PLCL1: variants seen among roughly 807,000 people sequenced by gnomAD.
PLCL1 encodes phospholipase C like 1 (inactive).
In PLCL1, 41 loss-of-function variants were observed where a neutral mutation model predicts 84.4. The observed-to-expected ratio is 0.49, with a 90% confidence interval of 0.38 to 0.63. The LOEUF is 0.63. Among genes scored for constraint, PLCL1 ranks in the 30% least tolerant of loss-of-function variants. The pLI is 0.00. For missense variants in PLCL1, 1,206 were observed against 1,367.8 expected, an observed-to-expected ratio of 0.88 and a Z score of 1.87; for synonymous variants, 490 against 488.3, an observed-to-expected ratio of 1.00 and a Z score of -0.05.
intron 1 of PLCL1, among the ~76,000 whole-genome samples, chr2:197,926,018 G>A (rs1574952334): frequency 6.6e-6 from 1 of 152,144 alleles, no homozygotes; most frequent in Admixed American, 6.6e-5. Context: ...ATGGCTTTTG[G>A]TTTGTCTTTG....
chr2:198,015,410 G>A (rs57105961), intron 1 of PLCL1, among the ~76,000 whole-genome samples: 6,303 of 152,120 alleles, frequency 0.041, 430 homozygotes, highest in African/African-American at 0.14. Flanking sequence ...TTGTTTTTAC[G>A]ATTTAAAGTA....
intron 1 of PLCL1, among the ~76,000 whole-genome samples, chr2:197,979,444 T>C (rs1291948775): frequency 6.6e-6 from 1 of 152,184 alleles, no homozygotes; most frequent in Non-Finnish European, 1.5e-5. Flanking sequence ...ACCTCTGAAA[T>C]CTATCCCTTT....
At chr2:197,909,821 A>G (rs902604400) in intron 1 of PLCL1, among the ~76,000 whole-genome samples, 1 of 152,182 alleles carries the variant, frequency 6.6e-6, no homozygotes, top group Non-Finnish European at 1.5e-5. Flanking sequence ...GAAAATAAAA[A>G]GTCCAGTGGA....
At chr2:198,048,211 G>A (rs1245636747) in intron 1 of PLCL1, among the ~76,000 whole-genome samples, 1 of 152,112 alleles carries the variant, frequency 6.6e-6, no homozygotes, top group African/African-American at 2.4e-5. Flanking sequence ...GTTAGGCTGG[G>A]TAAATTATAG....
At chr2:198,031,801 A>G (rs914842159) in intron 1 of PLCL1, among the ~76,000 whole-genome samples, 2 of 151,958 alleles carry the variant, frequency 1.3e-5, no homozygotes, top group African/African-American at 4.8e-5. Context: ...TTCTCAATAA[A>G]TATTTGTGCC....
intron 1 of PLCL1, among the ~76,000 whole-genome samples, chr2:197,810,600 C>A (rs899649335): frequency 6.6e-6 from 1 of 152,078 alleles, no homozygotes; most frequent in South Asian, 2.1e-4. Context: ...TGCCAAATAA[C>A]ACCTCAGGCA....
chr2:198,148,771 G>A lies in PLCL1; in HGVS notation c.*1809G>A, dbSNP rs2105953332. The A allele has an allele frequency of 6.6e-6, 1 of 152,396 alleles. No individual in the cohort carries two copies. Among genetic ancestry groups the A allele is most frequent in the East Asian group, 1.9e-4 (1 of 5,322 alleles). The allele number at this position is 152,396 out of a possible 1,614,324, so 9.4% of individuals were successfully genotyped here. A position where few individuals can be genotyped will look rare whatever the true frequency, so the allele number is the denominator to read the frequency against. On this transcript the variant is annotated 3_prime_UTR_variant, in exon 6 of 6. Transcript: ENST00000428675. ...TACTAGTGTACCTCTTCATCTACTTGAATTCTATTTGGTAAATCCATGTCT... is the reference window on the plus strand; with the variant it reads ...TACTAGTGTACCTCTTCATCTACTTAAATTCTATTTGGTAAATCCATGTCT...
chr2:198,017,765 C>CA (rs1251133438), intron 1 of PLCL1, among the ~76,000 whole-genome samples: 1 of 152,060 alleles, frequency 6.6e-6, no homozygotes, highest in Non-Finnish European at 1.5e-5. Flanking sequence ...AATTTTAACT[C>CA]AAAAAATATT....
chr2:198,039,077 A>G (rs754720092), intron 1 of PLCL1, among the ~76,000 whole-genome samples: 1 of 152,136 alleles, frequency 6.6e-6, no homozygotes, highest in Non-Finnish European at 1.5e-5. Flanking sequence ...TGTCTGCTTC[A>G]TTTTGACAGG....
chr2:198,101,739 A>G (rs1385543432), intron 4 of PLCL1, among the ~76,000 whole-genome samples: 2 of 152,066 alleles, frequency 1.3e-5, no homozygotes, highest in Admixed American at 1.3e-4. Context: ...AAATCCTATT[A>G]ATCTTCCAGG....
At chr2:198,023,035 T>A (rs1307205212) in intron 1 of PLCL1, among the ~76,000 whole-genome samples, 1 of 152,192 alleles carries the variant, frequency 6.6e-6, no homozygotes, top group Non-Finnish European at 1.5e-5. Context: ...AGCATGGTGC[T>A]GGTACCAAAA....
At chr2:197,938,338 T>C (rs1689088646) in intron 1 of PLCL1, among the ~76,000 whole-genome samples, 1 of 152,202 alleles carries the variant, frequency 6.6e-6, no homozygotes, top group Admixed American at 6.5e-5. Context: ...AACCTCCTCA[T>C]TGCTCTTGTA....
At chr2:197,979,445 C>T (rs1052469909) in intron 1 of PLCL1, among the ~76,000 whole-genome samples, 4 of 152,204 alleles carry the variant, frequency 2.6e-5, no homozygotes, top group African/African-American at 7.2e-5. Flanking sequence ...CCTCTGAAAT[C>T]TATCCCTTTC....
At chr2:198,045,772 A>G (rs536587486) in intron 1 of PLCL1, among the ~76,000 whole-genome samples, 216 of 152,342 alleles carry the variant, frequency 1.4e-3, no homozygotes, top group Middle Eastern at 6.8e-3. Flanking sequence ...GACTCAGATG[A>G]AAAGCAAAAA....
chr2:197,971,031 C>T (rs1288433272), intron 1 of PLCL1, among the ~76,000 whole-genome samples: 1 of 152,164 alleles, frequency 6.6e-6, no homozygotes, highest in African/African-American at 2.4e-5. Context: ...CCATTAAATA[C>T]TTCTCCTGAT....
At chr2:197,957,649 C>T (rs1689519707) in intron 1 of PLCL1, among the ~76,000 whole-genome samples, 5 of 152,020 alleles carry the variant, frequency 3.3e-5, no homozygotes, top group Admixed American at 2.6e-4. Flanking sequence ...GGAACAGCCT[C>T]CCGACTCGGA....
At chr2:198,030,260 A>G (rs1343404036) in intron 1 of PLCL1, among the ~76,000 whole-genome samples, 1 of 151,854 alleles carries the variant, frequency 6.6e-6, no homozygotes, top group Non-Finnish European at 1.5e-5. Context: ...GTGAGAACAT[A>G]TGGTGTTTGA....
At chr2:197,984,948 T>TTTTG (rs1553508151) in intron 1 of PLCL1, among the ~76,000 whole-genome samples, 1 of 151,894 alleles carries the variant, frequency 6.6e-6, no homozygotes, top group African/African-American at 2.4e-5. Context: ...GTTTTTTTTT[T>TTTTG]TTTGTTTGTT....
intron 1 of PLCL1, among the ~76,000 whole-genome samples, chr2:198,064,022 A>G (rs141909386): frequency 1.9e-3 from 284 of 152,276 alleles, no homozygotes; most frequent in African/African-American, 6.4e-3. Context: ...TCATTATAGT[A>G]CATAGCTATG....
Sources: allele counts gnomAD v4.1 joint callset (sites outside exome capture counted in the v4.1 genomes callset), GRCh38; gene constraint gnomAD v4.1.1; transcripts MANE v1.5; gene names NCBI Gene and HGNC (gene_info 2026-07-23, HGNC 2026-07-21).